The following BBS9 variants were observed in gnomAD, a reference collection of about 807,000 sequenced individuals.
The protein encoded by BBS9 is Bardet-Biedl syndrome 9.
A neutral mutation model predicts 117.7 loss-of-function variants in BBS9; 89 were observed. The observed-to-expected ratio is 0.76, with a 90% CI of 0.64 to 0.90. The LOEUF is 0.90. Among genes scored for constraint, BBS9 ranks in the 40% least tolerant of loss-of-function variants. BBS9 has a pLI of 0.00. For synonymous variants in BBS9, 379 were observed against 370.9 expected, an observed-to-expected ratio of 1.02 and a Z score of -0.25; for missense variants, 982 against 1,042.2, an observed-to-expected ratio of 0.94 and a Z score of 0.80.
intron 19 of BBS9, among the ~76,000 whole-genome samples, chr7:33,469,778 C>G (rs1840713337): frequency 6.6e-6 from 1 of 152,036 alleles, no homozygotes; most frequent in Non-Finnish European, 1.5e-5. Context: ...CTGCCTGGCC[C>G]TTTTTGGTTC....
At chr7:33,451,527 G>A (rs1584881250) in intron 19 of BBS9, among the ~76,000 whole-genome samples, 1 of 151,986 alleles carries the variant, frequency 6.6e-6, no homozygotes, top group East Asian at 1.9e-4. Flanking sequence ...TTATTTCTGG[G>A]CTCTCTGTTC....
intron 5 of BBS9, among the ~76,000 whole-genome samples, chr7:33,252,876 T>C (rs545212711): frequency 6.6e-6 from 1 of 152,298 alleles, no homozygotes; most frequent in South Asian, 2.1e-4. Flanking sequence ...TTTATATTTT[T>C]GTTGTGAAAA....
intron 19 of BBS9, among the ~76,000 whole-genome samples, chr7:33,427,378 G>A (rs1291624592): frequency 6.6e-6 from 1 of 152,156 alleles, no homozygotes; most frequent in Non-Finnish European, 1.5e-5. Context: ...GCAAAACTGT[G>A]AAGAATGGAG....
intron 19 of BBS9, among the ~76,000 whole-genome samples, chr7:33,423,357 A>G (rs566542819): frequency 6.6e-6 from 1 of 152,160 alleles, no homozygotes; most frequent in South Asian, 2.1e-4. Flanking sequence ...CACAAAATCA[A>G]AAAGATAGAA....
intron 19 of BBS9, among the ~76,000 whole-genome samples, chr7:33,470,745 A>G (rs1563219982): frequency 6.6e-6 from 1 of 152,146 alleles, no homozygotes; most frequent in Non-Finnish European, 1.5e-5. Flanking sequence ...ATCACACACA[A>G]GTTCACAAAG....
intron 4 of BBS9, among the ~76,000 whole-genome samples, chr7:33,171,568 A>G (rs1796579324): frequency 6.6e-6 from 1 of 152,182 alleles, no homozygotes; most frequent in African/African-American, 2.4e-5. Context: ...TTATATCAGT[A>G]TTTGTGATAA....
intron 14 of BBS9, 181 bp downstream of exon 14, chr7:33,351,504 A>G (rs1818642779): frequency 3.2e-6 from 2 of 622,980 alleles, no homozygotes; most frequent in Admixed American, 2.4e-5. Context: ...TGATAAGGCT[A>G]TTTAGCTGAT....
intron 19 of BBS9, among the ~76,000 whole-genome samples, chr7:33,393,589 A>G (rs1157795463): frequency 2.0e-5 from 3 of 152,168 alleles, no homozygotes; most frequent in Non-Finnish European, 4.4e-5. Context: ...GCAAAGTTCA[A>G]ATAGAGAACA....
intron 18 of BBS9, among the ~76,000 whole-genome samples, chr7:33,385,512 A>G (rs562429691): frequency 1.3e-5 from 2 of 152,324 alleles, no homozygotes; most frequent in African/African-American, 4.8e-5. Context: ...TCTGAGATCA[A>G]CAGATATTTG....
chr7:33,532,391 C>A (rs1850719113), intron 20 of BBS9, among the ~76,000 whole-genome samples: 1 of 152,172 alleles, frequency 6.6e-6, no homozygotes, highest in Non-Finnish European at 1.5e-5. Context: ...TAAGGAAATA[C>A]CTGAAACTGG....
intron 4 of BBS9, among the ~76,000 whole-genome samples, chr7:33,176,999 T>G (rs1415516534): frequency 6.6e-6 from 1 of 152,178 alleles, no homozygotes; most frequent in African/African-American, 2.4e-5. Flanking sequence ...CTTAGAAAAT[T>G]TCTCAATTAA....
intron 9 of BBS9, among the ~76,000 whole-genome samples, chr7:33,312,967 A>G (rs1264378716): frequency 6.6e-6 from 1 of 151,912 alleles, no homozygotes; most frequent in East Asian, 1.9e-4. Context: ...TTGGTATTCA[A>G]TATGTATTTT....
At chr7:33,312,272 CT>C in intron 9 of BBS9, among the ~76,000 whole-genome samples, 1 of 152,300 alleles carries the variant, frequency 6.6e-6, no homozygotes. Context: ...CACATAGCGT[CT>C]TGTGTTAGCT....
chr7:33,595,413 G>A (rs140113735), intron 21 of BBS9, among the ~76,000 whole-genome samples: 3 of 152,206 alleles, frequency 2.0e-5, no homozygotes, highest in African/African-American at 7.2e-5. Flanking sequence ...AGACATTTAT[G>A]CAGCCAACAA....
downstream of BBS9, among the ~76,000 whole-genome samples, chr7:33,609,774 C>T (rs575955015): frequency 1.6e-4 from 25 of 152,258 alleles, no homozygotes; most frequent in South Asian, 6.2e-4. Flanking sequence ...ACACCTTCCT[C>T]TTATGACACT....
chr7:33,533,521 C>T (rs538796840), intron 20 of BBS9, among the ~76,000 whole-genome samples: 1 of 152,290 alleles, frequency 6.6e-6, no homozygotes, highest in South Asian at 2.1e-4. Context: ...AAAGGTCCTC[C>T]TTCTCCTGGC....
intron 20 of BBS9, among the ~76,000 whole-genome samples, chr7:33,517,065 C>T (rs1847911507): frequency 1.3e-5 from 2 of 152,156 alleles, no homozygotes; most frequent in Admixed American, 1.3e-4. Flanking sequence ...AGGTCATAAA[C>T]ATTGGTTAGC....
chr7:33,575,744 G>T (rs1467740790), intron 21 of BBS9, among the ~76,000 whole-genome samples: 2 of 152,128 alleles, frequency 1.3e-5, no homozygotes, highest in African/African-American at 4.8e-5. Context: ...TTGCAAGGCT[G>T]GTTCAACATA....
intron 19 of BBS9, among the ~76,000 whole-genome samples, chr7:33,473,790 T>C (rs751618905): frequency 6.6e-6 from 1 of 152,234 alleles, no homozygotes; most frequent in Non-Finnish European, 1.5e-5. Flanking sequence ...TTCTATGCTA[T>C]GTTTCCTTGT....
Sources: allele counts gnomAD v4.1 joint callset (sites outside exome capture counted in the v4.1 genomes callset), GRCh38; gene constraint gnomAD v4.1.1; transcripts MANE v1.5; gene names NCBI Gene and HGNC (gene_info 2026-07-23, HGNC 2026-07-21).